Variants in DDI2 observed in about 807,000 individuals in gnomAD.
The protein encoded by DDI2 is protein DDI1 homolog 2.
Under a neutral mutation model 48.1 loss-of-function variants are expected in DDI2, and 5 were observed. That is an observed-to-expected ratio of 0.10 (90% CI 0.05 to 0.22). The LOEUF is 0.22. Among genes scored for constraint, DDI2 ranks in the 10% least tolerant of loss-of-function variants. The probability of loss-of-function intolerance (pLI) is 1.00; values close to 1 mark genes in which losing one functional copy is unlikely to be tolerated. For synonymous variants in DDI2, 205 were observed against 183.6 expected (o/e 1.12, Z -0.94); for missense variants, 285 against 506.2 (o/e 0.56, Z 4.19).
At position 15,617,559 on chromosome 1, in the gene DDI2, A is replaced by T; in HGVS notation, c.-112A>T. On this transcript the variant is annotated 5_prime_UTR_variant, in exon 1 of 10. Coordinates refer to ENST00000480945, the MANE Select transcript of DDI2 (RefSeq NM_032341.5). Reference sequence around the variant, plus strand: ...GAGGGAGGGAGCGAGCGAGCGAACGAGCAGCCGGCGCCGTCCTCCCGCAGC... The same window carrying T: ...GAGGGAGGGAGCGAGCGAGCGAACGTGCAGCCGGCGCCGTCCTCCCGCAGC... The T allele has an allele frequency of 1.1e-6, 1 of 910,762 alleles. No individual in the cohort carries two copies. The highest frequency in any genetic ancestry group is 1.4e-6 in the Non-Finnish European group (1 of 695,006). The allele number at this position is 910,762 out of a possible 1,614,324, so 56.4% of individuals were successfully genotyped here. A position where few individuals can be genotyped will look rare whatever the true frequency, so the allele number is the denominator to read the frequency against.
chr1:15,652,338 G>C (rs1005594027), intron 8 of DDI2, among the ~76,000 whole-genome samples: 1 of 150,874 alleles, frequency 6.6e-6, no homozygotes, highest in East Asian at 2.0e-4. Flanking sequence ...GATTACAGGT[G>C]TGAGCTACCA....
intron 7 of DDI2, 96 bp downstream of exon 7, chr1:15,649,919 G>A: frequency 8.2e-7 from 1 of 1,220,586 alleles, no homozygotes; most frequent in Non-Finnish European, 1.1e-6. Flanking sequence ...GGAAAACTAA[G>A]AAATAACGAC....
At position 15,659,828 on chromosome 1, in the gene DDI2, TC is replaced by T. The variant is rs756351346; in HGVS notation, c.*47-7del. ...TTAATCTTTTTCCTTTCCCCTGTGTTCCATATAGAGAAAAGTGGTAAAGAAT... is the reference window on the plus strand; with the variant it reads ...TTAATCTTTTTCCTTTCCCCTGTGTTCATATAGAGAAAAGTGGTAAAGAAT... On this transcript the variant is annotated splice_region_variant and splice_polypyrimidine_tract_variant and intron_variant, in intron 9 of 9. Coordinates refer to ENST00000480945, the MANE Select transcript of DDI2 (RefSeq NM_032341.5). The T allele has an allele frequency of 1.3e-6, 2 of 1,519,078 alleles. No individual in the cohort carries two copies. 94.1% of individuals were successfully genotyped at this position (1,519,078 alleles called of 1,614,324 possible).
At position 15,661,515 on chromosome 1, in the gene DDI2, A is replaced by G. The variant is rs768628154; in HGVS notation, c.*1725A>G. 4 of 1,613,982 alleles carry G rather than the reference A, an allele frequency of 2.5e-6. No individual in the cohort carries two copies. The African/African-American group carries it at 4.0e-5, about 16-fold the overall frequency. ...ATGTCTGTCCTGATGCTTCGAGGCC[A>G]TTACTTGAATATGAACCACCTACCA... is the stretch of plus-strand genomic sequence containing the variant. On this transcript the variant is annotated 3_prime_UTR_variant, in exon 10 of 10. Coordinates refer to ENST00000480945, the MANE Select transcript of DDI2 (RefSeq NM_032341.5).
intron 8 of DDI2, among the ~76,000 whole-genome samples, chr1:15,654,667 A>AG (rs1216332097): frequency 1.3e-5 from 2 of 152,048 alleles, no homozygotes; most frequent in African/African-American, 4.8e-5. Context: ...CAAAAAAAAA[A>AG]AAAAAACAAC....
intron 6 of DDI2, 139 bp from the exon 7 acceptor site, chr1:15,649,581 G>C: frequency 1.5e-6 from 1 of 664,768 alleles, no homozygotes; most frequent in Non-Finnish European, 2.3e-6. Context: ...TGAGGCAAGA[G>C]AATCACTTAA....
rs1640424206 is a variant in DDI2, at chr1:15,664,564, T to C, written c.*4774T>C. ...CCTTCATCGTCAGCTTTTATTCAAT[T>C]AAGAGCTCCAGAAATGCAGAAATTA... On this transcript the variant is annotated 3_prime_UTR_variant, in exon 10 of 10. Transcript: ENST00000480945. 1 of 152,152 alleles carries C rather than the reference T, an allele frequency of 6.6e-6. No individual in the cohort carries two copies. The highest frequency in any genetic ancestry group is 2.4e-5 in the African/African-American group (1 of 41,430). 9.4% of individuals were successfully genotyped at this position (152,152 alleles called of 1,614,324 possible). A position where few individuals can be genotyped will look rare whatever the true frequency, so the allele number is the denominator to read the frequency against.
intron 6 of DDI2, among the ~76,000 whole-genome samples, chr1:15,648,094 G>C (rs1435429686): frequency 6.6e-6 from 1 of 151,950 alleles, no homozygotes; most frequent in East Asian, 1.9e-4. Context: ...TGTTTATTAG[G>C]GTCTTTGTGT....
At chr1:15,638,207 A>G in intron 4 of DDI2, 100 bp from the exon 5 acceptor site, 1 of 1,557,240 alleles carries the variant, frequency 6.4e-7, no homozygotes. Flanking sequence ...GCTTGGGGCA[A>G]AAGATATGTA....
intron 6 of DDI2, among the ~76,000 whole-genome samples, chr1:15,644,605 T>TTTTTTTG: frequency 7.3e-6 from 1 of 137,590 alleles, no homozygotes. Flanking sequence ...TTTTTTTTTT[T>TTTTTTTG]TTTTTTGAGA....
chr1:15,639,738 G>A (rs1639978637), intron 5 of DDI2, among the ~76,000 whole-genome samples: 1 of 152,178 alleles, frequency 6.6e-6, no homozygotes, highest in South Asian at 2.1e-4. Context: ...TGGGTGTAGT[G>A]GCTCATACCT....
chr1:15,658,135 G>T (rs536710745), intron 9 of DDI2, among the ~76,000 whole-genome samples: 6 of 152,024 alleles, frequency 3.9e-5, no homozygotes, highest in South Asian at 4.1e-4. Context: ...CTGACCTTTT[G>T]ATTTTTATTT....
Position 15,660,557 on chromosome 1 carries a change from C to T in DDI2, c.*767C>T, listed in dbSNP as rs139189348. The T allele has an allele frequency of 3.6e-5, 58 of 1,612,846 alleles. No homozygotes were observed. In the Admixed American group the frequency reaches 3.9e-4, roughly 11 times the overall value. ...CCACAGAATGTGGATCCTCCAAGTG[C>T]GAAGAAAAGTATTCCATCTTCAGAA... On this transcript the variant is annotated 3_prime_UTR_variant, in exon 10 of 10. Coordinates refer to ENST00000480945, the MANE Select transcript of DDI2 (RefSeq NM_032341.5).
At chr1:15,630,607 G>C in intron 3 of DDI2, 46 bp downstream of exon 3, 1 of 1,326,772 alleles carries the variant, frequency 7.5e-7, no homozygotes, top group Non-Finnish European at 1.1e-6. Flanking sequence ...CTGAGGTGAA[G>C]AAGCTGTGTC....
chr1:15,633,800 G>C (rs773511522), intron 4 of DDI2: 2 of 540,160 alleles, frequency 3.7e-6, no homozygotes, highest in East Asian at 1.1e-4. Context: ...ATTTTAAGGA[G>C]GACTCCCTGA....
At chr1:15,633,657 G>A (rs533542972) in intron 4 of DDI2, 92 bp downstream of exon 4, 4 of 1,570,564 alleles carry the variant, frequency 2.5e-6, no homozygotes, top group Non-Finnish European at 3.5e-6. Flanking sequence ...TCTGCTTGGA[G>A]GTAGCTTCTC....
chr1:15,660,065 C>A lies in DDI2; in HGVS notation c.*275C>A, dbSNP rs549284917. 3.3e-5 allele frequency: 53 copies of A among 1,613,908 alleles called. 1 individual carries two copies. The South Asian group carries it at 5.4e-4, about 16-fold the overall frequency. Reference sequence around the variant, plus strand: ...GCTTCAGCTGAATTCCAGCTAAACTCTGAAAAGAAAGAACATCTTTCTTTA... The same window carrying A: ...GCTTCAGCTGAATTCCAGCTAAACTATGAAAAGAAAGAACATCTTTCTTTA... On this transcript the variant is annotated 3_prime_UTR_variant, in exon 10 of 10. Transcript: ENST00000480945.
intron 1 of DDI2, among the ~76,000 whole-genome samples, chr1:15,622,221 G>A (rs535944156): frequency 3.3e-5 from 3 of 90,386 alleles, no homozygotes; most frequent in Non-Finnish European, 7.1e-5. Context: ...TTTTTGAGAC[G>A]AGGTCTTGCC....
intron 3 of DDI2, 96 bp from the exon 4 acceptor site, chr1:15,633,343 T>TA: frequency 7.0e-7 from 1 of 1,431,362 alleles, no homozygotes; most frequent in East Asian, 2.4e-5. Context: ...CTGCATCTCT[T>TA]ACAGATGTAG....
Sources: allele counts gnomAD v4.1 joint callset (sites outside exome capture counted in the v4.1 genomes callset), GRCh38; gene constraint gnomAD v4.1.1; transcripts MANE v1.5; gene names NCBI Gene and HGNC (gene_info 2026-07-23, HGNC 2026-07-21).